Variants in AGBL1 observed in about 807,000 individuals in gnomAD.
AGBL1 encodes cytosolic carboxypeptidase 4.
AGBL1 carries 130 observed loss-of-function variants against 118.9 expected under a neutral mutation model. That is an observed-to-expected ratio of 1.09 (90% CI 0.95 to 1.26). The LOEUF (loss-of-function observed/expected upper bound fraction) is 1.26. Ranked by LOEUF, AGBL1 falls within the 50% of genes most tolerant of loss-of-function variation. The pLI, the probability that AGBL1 is intolerant of heterozygous loss-of-function variation, is 0.00. For synonymous variants in AGBL1, 555 were observed against 478.9 expected (o/e 1.16, Z -2.08); for missense variants, 1,584 against 1,298.1 (o/e 1.22, Z -3.38).
At chr15:86,294,804 T>C (rs2079606017) in intron 16 of AGBL1, among the ~76,000 whole-genome samples, 1 of 152,208 alleles carries the variant, frequency 6.6e-6, no homozygotes, top group African/African-American at 2.4e-5. Flanking sequence ...TTTTCTTACA[T>C]GCATAGATTG....
chr15:86,460,398 A>G (rs2082319080), intron 18 of AGBL1, among the ~76,000 whole-genome samples: 1 of 148,166 alleles, frequency 6.7e-6, no homozygotes, highest in African/African-American at 2.5e-5. Flanking sequence ...TGGGAGGCTG[A>G]GGCAGGAGGA....
At chr15:86,595,882 T>C (rs2084398517) in intron 21 of AGBL1, among the ~76,000 whole-genome samples, 1 of 151,932 alleles carries the variant, frequency 6.6e-6, no homozygotes, top group South Asian at 2.1e-4. Flanking sequence ...GTCTGGAAAA[T>C]GATCCTAGTG....
In AGBL1 at chr15:87,020,568, G is replaced by A. The variant is rs538295398; in HGVS notation, c.3324-8257G>A. On this transcript the variant is annotated intron_variant, in intron 24 of 24. Transcript: ENST00000441037. ...GAAGAGAGGAAATCAAATTATTTTT[G>A]TGGATATCATGATCCTATATCTAGA... 2.6e-5 allele frequency among the ~76,000 whole-genome samples: 4 copies of A among 151,220 alleles called. No homozygotes were observed. The East Asian group carries it at 7.7e-4, about 29-fold the overall frequency.
intron 21 of AGBL1, chr15:86,630,715 G>A (rs1018940846): frequency 6.6e-6 from 1 of 152,216 alleles, no homozygotes; most frequent in Admixed American, 6.5e-5. Flanking sequence ...GCTCTGCTCA[G>A]ATAGCTCGAG....
intron 13 of AGBL1, among the ~76,000 whole-genome samples, chr15:86,269,597 A>G (rs1249297933): frequency 6.6e-6 from 1 of 152,216 alleles, no homozygotes; most frequent in Non-Finnish European, 1.5e-5. Flanking sequence ...ATCATTACAC[A>G]TTGTATTATT....
At chr15:86,082,399 A>G (rs575292530) in intron 1 of AGBL1, among the ~76,000 whole-genome samples, 74 of 152,298 alleles carry the variant, frequency 4.9e-4, no homozygotes, top group African/African-American at 1.7e-3. Context: ...TTGCTTCTCA[A>G]ACCTTTGGGG....
chr15:86,214,486 G>A (rs1266445070), intron 5 of AGBL1, among the ~76,000 whole-genome samples: 3 of 152,226 alleles, frequency 2.0e-5, no homozygotes, highest in African/African-American at 7.2e-5. Flanking sequence ...GTACATCCAT[G>A]TATAATGGAC....
chr15:86,139,041 A>C (rs533451767), intron 1 of AGBL1, among the ~76,000 whole-genome samples: 2 of 152,156 alleles, frequency 1.3e-5, no homozygotes, highest in African/African-American at 4.8e-5. Flanking sequence ...AGAGGCACCC[A>C]CATTGGTACA....
chr15:86,446,503 C>T (rs1027733200), intron 18 of AGBL1, among the ~76,000 whole-genome samples: 20 of 152,210 alleles, frequency 1.3e-4, no homozygotes, highest in African/African-American at 4.8e-4. Context: ...TTTCTTAGCA[C>T]TTCATCCTTC....
At chr15:86,904,001 A>G (rs576665127) in intron 22 of AGBL1, among the ~76,000 whole-genome samples, 1 of 137,706 alleles carries the variant, frequency 7.3e-6, no homozygotes, top group Non-Finnish European at 1.6e-5. Context: ...GGGTCTGGTG[A>G]GAGTAGAAGC....
chr15:86,593,626 A>G (rs927515601), intron 21 of AGBL1, among the ~76,000 whole-genome samples: 1 of 152,214 alleles, frequency 6.6e-6, no homozygotes, highest in African/African-American at 2.4e-5. Context: ...ATTTATATAC[A>G]GTAAAATTCA....
At chr15:86,506,726 C>G (rs555067273) in intron 18 of AGBL1, among the ~76,000 whole-genome samples, 1 of 152,086 alleles carries the variant, frequency 6.6e-6, no homozygotes, top group Admixed American at 6.6e-5. Context: ...ATTGTGGTTA[C>G]CCAATCTGGA....
intron 5 of AGBL1, among the ~76,000 whole-genome samples, chr15:86,193,120 G>A (rs1597524013): frequency 6.6e-6 from 1 of 152,170 alleles, no homozygotes; most frequent in African/African-American, 2.4e-5. Context: ...TACTGTGATG[G>A]GTGTCAAAAG....
chr15:86,213,963 T>G (rs1490460820), intron 5 of AGBL1, among the ~76,000 whole-genome samples: 1 of 152,138 alleles, frequency 6.6e-6, no homozygotes, highest in Middle Eastern at 3.2e-3. Flanking sequence ...CTACTTTCTG[T>G]CTCTATTTCT....
At chr15:86,973,361 G>C (rs899984798) in intron 23 of AGBL1, among the ~76,000 whole-genome samples, 1 of 151,990 alleles carries the variant, frequency 6.6e-6, no homozygotes, top group Non-Finnish European at 1.5e-5. Flanking sequence ...GAAGCTTCTT[G>C]ATGGTGAGAA....
intron 22 of AGBL1, among the ~76,000 whole-genome samples, chr15:86,906,367 A>G (rs1160515672): frequency 2.0e-5 from 3 of 152,108 alleles, no homozygotes; most frequent in Admixed American, 1.3e-4. Flanking sequence ...TTGCTGGTCA[A>G]CCCCTGTTGA....
At chr15:86,799,476 C>T (rs926434694) in intron 22 of AGBL1, among the ~76,000 whole-genome samples, 9 of 152,130 alleles carry the variant, frequency 5.9e-5, no homozygotes, top group African/African-American at 1.9e-4. Context: ...CTCTTCTTTA[C>T]ATGGGAATAA....
Position 86,341,654 on chromosome 15 carries a change from A to G in AGBL1, c.2374+46246A>G, listed in dbSNP as rs926637714. Among the ~76,000 whole-genome samples the G allele has an allele frequency of 7.9e-5, 12 of 152,142 alleles. 1 individual carries two copies. The highest frequency in any genetic ancestry group is 2.9e-4 in the African/African-American group (12 of 41,428). On this transcript the variant is annotated intron_variant, in intron 17 of 22. Transcript: ENST00000614907. ...CATTTCATGCCCTTTCCTCATGTGTATCATTCTCGGGCACTACAAAGATCT... is the reference window on the plus strand; with the variant it reads ...CATTTCATGCCCTTTCCTCATGTGTGTCATTCTCGGGCACTACAAAGATCT...
intron 1 of AGBL1, among the ~76,000 whole-genome samples, chr15:86,108,124 C>T (rs775578167): frequency 1.3e-5 from 2 of 152,184 alleles, no homozygotes; most frequent in East Asian, 1.9e-4. Flanking sequence ...CCAATTATCT[C>T]GCTGCAACCA....
Sources: allele counts gnomAD v4.1 joint callset (sites outside exome capture counted in the v4.1 genomes callset), GRCh38; gene constraint gnomAD v4.1.1; transcripts MANE v1.5; gene names NCBI Gene and HGNC (gene_info 2026-07-23, HGNC 2026-07-21).